Variants in ZCCHC10 observed in about 807,000 individuals in gnomAD.
The protein encoded by ZCCHC10 is zinc finger CCHC domain-containing protein 10.
Under a neutral mutation model 19.5 loss-of-function variants are expected in ZCCHC10, and 16 were observed. The ratio of observed to expected loss-of-function variants is 0.82; its 90% confidence interval spans 0.56 to 1.25. The LOEUF is 1.25. Among genes scored for constraint, ZCCHC10 ranks in the 50% most tolerant of loss-of-function variants. The probability of loss-of-function intolerance (pLI) is 0.00; values close to 1 mark genes in which losing one functional copy is unlikely to be tolerated. For missense variants in ZCCHC10, 197 were observed against 201.0 expected (o/e 0.98, Z 0.12); for synonymous variants, 67 against 72.5 (o/e 0.92, Z 0.38).
intron 1 of ZCCHC10, among the ~76,000 whole-genome samples, chr5:133,025,937 C>A (rs529048006): frequency 4.6e-5 from 7 of 152,146 alleles, no homozygotes; most frequent in Non-Finnish European, 8.8e-5. Flanking sequence ...TCTATTTATA[C>A]CCAATGTCTG....
intron 2 of ZCCHC10, among the ~76,000 whole-genome samples, chr5:133,013,505 C>T (rs758977857): frequency 6.6e-6 from 1 of 151,888 alleles, no homozygotes; most frequent in Non-Finnish European, 1.5e-5. Context: ...GGGCAGATCA[C>T]GAGGTCAGGA....
intron 3 of ZCCHC10, among the ~76,000 whole-genome samples, chr5:133,002,201 TC>T (rs887758103): frequency 1.3e-5 from 2 of 151,790 alleles, no homozygotes; most frequent in African/African-American, 4.8e-5. Flanking sequence ...GATCTTGTGA[TC>T]CACCCGCCTC....
At chr5:133,016,471 T>C (rs914930820) in intron 2 of ZCCHC10, among the ~76,000 whole-genome samples, 1 of 152,094 alleles carries the variant, frequency 6.6e-6, no homozygotes, top group African/African-American at 2.4e-5. Context: ...GAGACGGAGT[T>C]TTGCGCCTGT....
chr5:133,000,126 A>G lies in ZCCHC10; in HGVS notation c.311+6T>C. 1 of 1,613,712 alleles carries G rather than the reference A, an allele frequency of 6.2e-7. No individual in the cohort carries two copies. Among genetic ancestry groups the G allele is most frequent in the Non-Finnish European group, 8.5e-7 (1 of 1,179,900 alleles). On this transcript the variant is annotated splice_donor_region_variant and intron_variant, in intron 4 of 4. Transcript: ENST00000509437. ...ATCTATAAAACACTGCTAAAACCAC[A>G]CATACCTTTTTTTCTTGGCCTTTCT... is the stretch of plus-strand genomic sequence containing the variant.
rs372223591 is a variant in ZCCHC10, at chr5:133,010,205, C to T, written c.108-3285G>A. Among the ~76,000 whole-genome samples, 7 of 152,074 alleles carry T rather than the reference C, an allele frequency of 4.6e-5. No individual in the cohort carries two copies. The East Asian group carries it at 5.8e-4, about 13-fold the overall frequency. On this transcript the variant is annotated intron_variant, in intron 2 of 4. Coordinates refer to ENST00000509437, the MANE Select transcript of ZCCHC10 (RefSeq NM_001300816.3). ...CTGGGACTACAGGCACACACCACCACGCACGGCTAATTTTTTTTATTTTAG... is the reference window on the plus strand; with the variant it reads ...CTGGGACTACAGGCACACACCACCATGCACGGCTAATTTTTTTTATTTTAG...
rs1262584184 is a variant in ZCCHC10 at position 133,025,518 on chromosome 5, A to AG, written c.41+978_41+979insC. 1.5e-4 allele frequency among the ~76,000 whole-genome samples: 22 copies of AG among 149,550 alleles called. 2 individuals are homozygous for AG. Among genetic ancestry groups the AG allele is most frequent in the African/African-American group, 4.2e-4 (17 of 40,348 alleles). On this transcript the variant is annotated intron_variant, in intron 1 of 4. Transcript: ENST00000509437. ...GACTCCGCCTCAAAAAAAAAAAAAAAAAAAAAAAAAAAAAAGAAAGGGGCA... is the reference window on the plus strand; with the variant it reads ...GACTCCGCCTCAAAAAAAAAAAAAAAGAAAAAAAAAAAAAAAGAAAGGGGCA...
chr5:133,022,161 A>T (rs780977945), intron 2 of ZCCHC10, among the ~76,000 whole-genome samples: 1 of 152,172 alleles, frequency 6.6e-6, no homozygotes, highest in Non-Finnish European at 1.5e-5. Context: ...ACACACAAAC[A>T]CATTTATAGC....
At chr5:133,011,062 G>T (rs1763472666) in intron 2 of ZCCHC10, among the ~76,000 whole-genome samples, 1 of 152,046 alleles carries the variant, frequency 6.6e-6, no homozygotes, top group Admixed American at 6.6e-5. Context: ...AAAGTGTTGG[G>T]ATTACAGGTG....
intron 2 of ZCCHC10, among the ~76,000 whole-genome samples, chr5:133,018,440 T>C (rs1418223648): frequency 6.6e-6 from 1 of 151,882 alleles, no homozygotes; most frequent in African/African-American, 2.4e-5. Context: ...TCCTCTGTCG[T>C]CCAGGCTGGA....
At chr5:133,024,566 C>T (rs1764541765) in intron 1 of ZCCHC10, among the ~76,000 whole-genome samples, 1 of 152,182 alleles carries the variant, frequency 6.6e-6, no homozygotes, top group South Asian at 2.1e-4. Context: ...CATCATTTAG[C>T]ACTCCCTTTA....
At chr5:133,022,340 T>A (rs748722871) in intron 2 of ZCCHC10, among the ~76,000 whole-genome samples, 4 of 152,220 alleles carry the variant, frequency 2.6e-5, no homozygotes, top group African/African-American at 9.6e-5. Flanking sequence ...GAAATTTTTT[T>A]AGCTCCATTA....
At position 133,026,371 on chromosome 5, in the gene ZCCHC10, G is replaced by C. The variant is rs911340357; in HGVS notation, c.41+126C>G. 6 of 1,360,826 alleles carry C rather than the reference G, an allele frequency of 4.4e-6. No homozygotes were observed. In the African/African-American group the frequency reaches 7.3e-5, roughly 16 times the overall value. 84.3% of individuals were successfully genotyped at this position (1,360,826 alleles called of 1,614,324 possible). On this transcript the variant is annotated intron_variant, in intron 1 of 4. Transcript: ENST00000509437. ...TATCGCCCGGGCCCGAGCCCCCCGGGAGCCAGAAGAGTGTTTGAGAAACGG... is the reference window on the plus strand; with the variant it reads ...TATCGCCCGGGCCCGAGCCCCCCGGCAGCCAGAAGAGTGTTTGAGAAACGG...
chr5:133,010,382 A>C (rs187138716), intron 2 of ZCCHC10, among the ~76,000 whole-genome samples: 2 of 152,046 alleles, frequency 1.3e-5, no homozygotes, highest in African/African-American at 4.8e-5. Flanking sequence ...AGGGTCAGGT[A>C]GTAAATATTA....
intron 4 of ZCCHC10, 121 bp downstream of exon 4, chr5:133,000,011 G>T: frequency 8.9e-7 from 1 of 1,128,260 alleles, no homozygotes; most frequent in Non-Finnish European, 1.3e-6. Context: ...GCCTCCCAAA[G>T]TGCTGGGATT....
intron 3 of ZCCHC10, chr5:133,003,145 A>G (rs1452418842): frequency 3.0e-5 from 10 of 328,876 alleles, no homozygotes; most frequent in Non-Finnish European, 1.8e-5. Context: ...GGGTCAGGCC[A>G]AGAAGCATGC....
chr5:133,025,723 T>C (rs1764657947), intron 1 of ZCCHC10, among the ~76,000 whole-genome samples: 1 of 152,140 alleles, frequency 6.6e-6, no homozygotes, highest in Admixed American at 6.6e-5. Context: ...TTTTTCATCC[T>C]TTAAATCTCT....
intron 3 of ZCCHC10, among the ~76,000 whole-genome samples, chr5:133,002,701 T>C (rs567586891): frequency 4.6e-5 from 7 of 151,442 alleles, no homozygotes; most frequent in Non-Finnish European, 7.4e-5. Context: ...TAAGAACATA[T>C]GAACATTTTT....
At chr5:133,006,423 T>C (rs904407453) in intron 3 of ZCCHC10, among the ~76,000 whole-genome samples, 3 of 152,136 alleles carry the variant, frequency 2.0e-5, no homozygotes, top group Non-Finnish European at 4.4e-5. Flanking sequence ...ATTAAGACCA[T>C]GAATCTGGGG....
intron 2 of ZCCHC10, among the ~76,000 whole-genome samples, chr5:133,011,928 G>A (rs1175469864): frequency 3.3e-5 from 5 of 151,824 alleles, no homozygotes; most frequent in Admixed American, 1.3e-4. Flanking sequence ...TCAGAAGTTC[G>A]AGACCAGTGT....
Sources: gnomAD v4.1 joint callset for allele counts (sites outside exome capture counted in the v4.1 genomes callset) on GRCh38, gnomAD v4.1.1 for gene constraint, MANE v1.5 for transcripts, NCBI Gene and HGNC (gene_info 2026-07-23, HGNC 2026-07-21) for gene names.